Variants in NLGN1 observed in about 807,000 individuals in gnomAD.
NLGN1 encodes the protein neuroligin-1.
A neutral mutation model predicts 65.5 loss-of-function variants in NLGN1; 12 were observed. The ratio of observed to expected loss-of-function variants is 0.18; its 90% CI spans 0.12 to 0.30. The LOEUF is 0.30. Ranked by LOEUF, NLGN1 falls within the 10% of genes least tolerant of loss-of-function variation. The probability of loss-of-function intolerance (pLI) is 1.00; values close to 1 mark genes in which losing one functional copy is unlikely to be tolerated. For synonymous variants in NLGN1, 350 were observed against 359.5 expected, an observed-to-expected ratio of 0.97 and a Z score of 0.30; for missense variants, 750 against 1,007.1, an observed-to-expected ratio of 0.74 and a Z score of 3.46.
At chr3:173,536,957 A>G (rs1028698054) in intron 2 of NLGN1, among the ~76,000 whole-genome samples, 4 of 152,218 alleles carry the variant, frequency 2.6e-5, no homozygotes. Context: ...GTCTGAGTCC[A>G]AAAGCAACAG....
chr3:173,951,407 A>G (rs1177951055), intron 4 of NLGN1, among the ~76,000 whole-genome samples: 1 of 151,226 alleles, frequency 6.6e-6, no homozygotes, highest in Non-Finnish European at 1.5e-5. Context: ...GGTCTACCTT[A>G]TATCTTCTTT....
intron 4 of NLGN1, among the ~76,000 whole-genome samples, chr3:174,253,973 A>G (rs1056167853): frequency 6.6e-6 from 1 of 152,232 alleles, no homozygotes; most frequent in African/African-American, 2.4e-5. Flanking sequence ...GGAAGCCAAT[A>G]TCACCATGTT....
intron 4 of NLGN1, among the ~76,000 whole-genome samples, chr3:174,242,694 T>C (rs2152832879): frequency 6.6e-6 from 1 of 152,314 alleles, no homozygotes; most frequent in South Asian, 2.1e-4. Flanking sequence ...AGGGTTCCAC[T>C]GATTCTACAT....
At chr3:173,651,320 T>G (rs1759142218) in intron 3 of NLGN1, among the ~76,000 whole-genome samples, 1 of 151,272 alleles carries the variant, frequency 6.6e-6, no homozygotes, top group African/African-American at 2.4e-5. Flanking sequence ...TATGTATATA[T>G]AATAAGTTGT....
intron 5 of NLGN1, 127 bp downstream of exon 5, chr3:174,275,654 T>G (rs1750407859): frequency 1.6e-6 from 1 of 632,352 alleles, no homozygotes. Flanking sequence ...AGTTTAAAGC[T>G]TTGTTTCTTC....
At chr3:174,044,241 A>G (rs1047421233) in intron 4 of NLGN1, among the ~76,000 whole-genome samples, 1 of 152,156 alleles carries the variant, frequency 6.6e-6, no homozygotes, top group Non-Finnish European at 1.5e-5. Flanking sequence ...AAGGTCTCTG[A>G]CATGCCCCGG....
At chr3:174,059,114 T>A (rs1183843550) in intron 4 of NLGN1, among the ~76,000 whole-genome samples, 1 of 152,170 alleles carries the variant, frequency 6.6e-6, no homozygotes, top group Non-Finnish European at 1.5e-5. Context: ...GGCACCTCAA[T>A]TATTCTCCAT....
chr3:173,447,517 C>T (rs1198316302), intron 2 of NLGN1, among the ~76,000 whole-genome samples: 1 of 152,128 alleles, frequency 6.6e-6, no homozygotes, highest in Non-Finnish European at 1.5e-5. Context: ...CAGCTTTGTT[C>T]TTTTGGCTTA....
chr3:173,867,637 A>G (rs1354550050), intron 4 of NLGN1, among the ~76,000 whole-genome samples: 1 of 152,086 alleles, frequency 6.6e-6, no homozygotes, highest in African/African-American at 2.4e-5. Context: ...AATATTAATT[A>G]TCAGCCAATA....
At chr3:173,747,137 A>G (rs898112825) in intron 3 of NLGN1, among the ~76,000 whole-genome samples, 4 of 149,442 alleles carry the variant, frequency 2.7e-5, no homozygotes, top group Middle Eastern at 3.2e-3. Flanking sequence ...GTGTGTATAT[A>G]TATGTATATG....
intron 4 of NLGN1, among the ~76,000 whole-genome samples, chr3:174,129,620 T>C (rs761231165): frequency 1.3e-5 from 2 of 152,220 alleles, no homozygotes; most frequent in African/African-American, 2.4e-5. Context: ...GGTTAGACTT[T>C]AGCTATGCTG....
At chr3:174,178,346 T>G (rs1729815544) in intron 4 of NLGN1, among the ~76,000 whole-genome samples, 1 of 152,116 alleles carries the variant, frequency 6.6e-6, no homozygotes. Flanking sequence ...TTGATTTATT[T>G]AGAAATACCT....
intron 4 of NLGN1, among the ~76,000 whole-genome samples, chr3:174,273,942 TATC>T (rs1749993336): frequency 1.3e-5 from 2 of 151,744 alleles, no homozygotes; most frequent in Non-Finnish European, 3.0e-5. Flanking sequence ...TAGGTAGTGT[TATC>T]ATGGTTTTGT....
At chr3:174,159,232 T>G (rs1323158957) in intron 4 of NLGN1, among the ~76,000 whole-genome samples, 2 of 151,738 alleles carry the variant, frequency 1.3e-5, no homozygotes, top group East Asian at 3.9e-4. Context: ...TGAAATAAGA[T>G]ATTTGTGAGG....
intron 4 of NLGN1, among the ~76,000 whole-genome samples, chr3:174,123,945 T>C (rs554155431): frequency 8.5e-5 from 13 of 152,208 alleles, no homozygotes; most frequent in African/African-American, 2.9e-4. Flanking sequence ...CTCTCAAATA[T>C]GTATGTTGAA....
chr3:173,939,572 T>C (rs984620328), intron 4 of NLGN1, among the ~76,000 whole-genome samples: 1 of 152,216 alleles, frequency 6.6e-6, no homozygotes, highest in African/African-American at 2.4e-5. Context: ...AGTCTGTATA[T>C]GTGTGATAGG....
At chr3:174,040,002 A>G (rs1370152089) in intron 4 of NLGN1, among the ~76,000 whole-genome samples, 5 of 152,172 alleles carry the variant, frequency 3.3e-5, no homozygotes, top group African/African-American at 1.2e-4. Flanking sequence ...CTCCTTGAAA[A>G]TGATCTTTGT....
rs1002367359 is a variant in NLGN1 at position 174,017,676 on chromosome 3, T to C, written c.646+209844T>C. On this transcript the variant is annotated intron_variant, in intron 4 of 6. Transcript: ENST00000457714. Reference sequence around the variant, plus strand: ...CATCACATGTTGGCAGGTTCCGTGATGCCCCCGTCAAGCCGCAAAACCAGC... The same window carrying C: ...CATCACATGTTGGCAGGTTCCGTGACGCCCCCGTCAAGCCGCAAAACCAGC... 1.2e-4 allele frequency among the ~76,000 whole-genome samples: 19 copies of C among 152,202 alleles called. No homozygotes were observed. In the East Asian group the frequency reaches 1.4e-3, roughly 11 times the overall value.
intron 4 of NLGN1, among the ~76,000 whole-genome samples, chr3:173,884,116 A>G (rs1359294479): frequency 6.6e-6 from 1 of 151,736 alleles, no homozygotes; most frequent in Non-Finnish European, 1.5e-5. Flanking sequence ...TTTGGCCTTT[A>G]TCGTGCTGAC....
Sources: gnomAD v4.1 joint callset for allele counts (sites outside exome capture counted in the v4.1 genomes callset) on GRCh38, gnomAD v4.1.1 for gene constraint, MANE v1.5 for transcripts, NCBI Gene and HGNC (gene_info 2026-07-23, HGNC 2026-07-21) for gene names.